The following SLC15A5 variants were observed in gnomAD, a reference collection of about 807,000 sequenced individuals.
SLC15A5 encodes solute carrier family 15 member 5.
In SLC15A5, 58 loss-of-function variants were observed where a neutral mutation model predicts 56.1. The ratio of observed to expected loss-of-function variants is 1.03; its 90% CI spans 0.84 to 1.29. The LOEUF (loss-of-function observed/expected upper bound fraction) is 1.29. Among genes scored for constraint, SLC15A5 ranks in the 50% most tolerant of loss-of-function variants. The pLI is 0.00. For synonymous variants in SLC15A5, 264 were observed against 250.5 expected (o/e 1.05, Z -0.51); for missense variants, 681 against 672.1 (o/e 1.01, Z -0.15).
At chr12:16,206,728 C>G (rs920205879) in intron 7 of SLC15A5, among the ~76,000 whole-genome samples, 1 of 152,170 alleles carries the variant, frequency 6.6e-6, no homozygotes, top group Non-Finnish European at 1.5e-5. Flanking sequence ...GGCTGCATCA[C>G]GACTTTAATG....
chr12:16,257,669 C>G (rs1204531135), intron 3 of SLC15A5, 32 bp downstream of exon 3: 1 of 1,373,824 alleles, frequency 7.3e-7, no homozygotes, highest in African/African-American at 1.5e-5. Context: ...CAATATAAAC[C>G]CAGAAATCAA....
rs1591650912 is a variant in SLC15A5 at position 16,235,955 on chromosome 12, C to A, written c.1162+3726G>T. Among the ~76,000 whole-genome samples the A allele has an allele frequency of 1.3e-5, 2 of 152,036 alleles. No homozygotes were observed. The highest frequency in any genetic ancestry group is 1.9e-4 in the East Asian group (1 of 5,178). On this transcript the variant is annotated intron_variant, in intron 5 of 8. Coordinates refer to ENST00000344941, the MANE Select transcript of SLC15A5 (RefSeq NM_001170798.1). The surrounding 1 kb of genome is among the most constrained non-coding windows in gnomAD (Gnocchi z 4.1). ...TATCATAAAAGACTTTTAGCTGGAA[C>A]TTGAATTTTCATGTTTTTATTTTAA...
rs1480512205 is a variant in SLC15A5 at position 16,196,239 on chromosome 12, G to A, written c.1484-1786C>T. On this transcript the variant is annotated intron_variant, in intron 7 of 8. Coordinates refer to ENST00000344941, the MANE Select transcript of SLC15A5 (RefSeq NM_001170798.1). This position sits in a 1 kb window ranked among gnomAD's most constrained non-coding sequence, Gnocchi z 4.0. ...CATTTTATTTGGGTTCTATTATAAT[G>A]AAAATTTATGGTTTTATTGCTACAG... Among the ~76,000 whole-genome samples the A allele has an allele frequency of 6.6e-6, 1 of 152,048 alleles. No homozygotes were observed. Among genetic ancestry groups the A allele is most frequent in the African/African-American group, 2.4e-5 (1 of 41,424 alleles).
intron 7 of SLC15A5, among the ~76,000 whole-genome samples, chr12:16,213,363 C>T (rs1864101655): frequency 6.6e-6 from 1 of 152,120 alleles, no homozygotes; most frequent in Non-Finnish European, 1.5e-5. Flanking sequence ...AGCTAGACTA[C>T]CTAGATTCAA....
rs566192261 is a variant in SLC15A5, at chr12:16,237,848, G to T, written c.1162+1833C>A. Among the ~76,000 whole-genome samples the T allele has an allele frequency of 6.6e-6, 1 of 152,080 alleles. No homozygotes were observed. Among genetic ancestry groups the T allele is most frequent in the Non-Finnish European group, 1.5e-5 (1 of 68,008 alleles). ...TATGATTTTACTCCTATTTTGTCCT[G>T]CATGCATTATGTTTCAATCATGGAC... On this transcript the variant is annotated intron_variant, in intron 5 of 8. Transcript: ENST00000344941. This position sits in a 1 kb window ranked among gnomAD's most constrained non-coding sequence, Gnocchi z 4.1.
At chr12:16,213,679 T>G (rs1271389831) in intron 7 of SLC15A5, among the ~76,000 whole-genome samples, 1 of 152,208 alleles carries the variant, frequency 6.6e-6, no homozygotes, top group Non-Finnish European at 1.5e-5. Context: ...CACAATATTA[T>G]TATAAACCAG....
Position 16,244,748 on chromosome 12 carries a change from G to T in SLC15A5, c.807C>A (p.Cys269Ter). The T allele has an allele frequency of 6.5e-7, 1 of 1,537,716 alleles. No homozygotes were observed. Among genetic ancestry groups the T allele is most frequent in the Non-Finnish European group, 8.7e-7 (1 of 1,147,012 alleles). Residue 269 changes from cysteine (C) to a stop codon, truncating the protein, a stop_gained, in exon 4 of 9, where the codon TGC (cysteine) becomes TGA (stop). Coordinates refer to ENST00000344941, the MANE Select transcript of SLC15A5 (RefSeq NM_001170798.1). LOFTEE classifies it high-confidence loss of function. ...VGVLVSALKT[C>*]HPQYCHLGRD... The stretch of plus-strand genomic sequence containing the variant: ...TGCCAAGATGGCAGTATTGCGGGTG[G>T]CATGTTTTCAGTGCACTAACCAACA...
intron 6 of SLC15A5, among the ~76,000 whole-genome samples, chr12:16,222,420 T>G (rs1864197040): frequency 6.6e-6 from 1 of 152,146 alleles, no homozygotes; most frequent in African/African-American, 2.4e-5. Context: ...TTTCAAGGAG[T>G]AGTCTCTCAT....
In SLC15A5 at chr12:16,189,665, G is replaced by A; in HGVS notation, c.*3C>T. 1 of 1,491,908 alleles carries A rather than the reference G, an allele frequency of 6.7e-7. No individual in the cohort carries two copies. Among genetic ancestry groups the A allele is most frequent in the East Asian group, 2.5e-5 (1 of 40,464 alleles). The allele number at this position is 1,491,908 out of a possible 1,614,324, so 92.4% of individuals were successfully genotyped here. ...CATAAGACAGGTAGACTCAAACACAGTTTCATAGGGCTGTCTCCCAAAGAT... is the reference window on the plus strand; with the variant it reads ...CATAAGACAGGTAGACTCAAACACAATTTCATAGGGCTGTCTCCCAAAGAT... On this transcript the variant is annotated 3_prime_UTR_variant, in exon 9 of 9. Transcript: ENST00000344941.
chr12:16,242,042 C>G (rs1243566129), intron 4 of SLC15A5, among the ~76,000 whole-genome samples: 6 of 152,152 alleles, frequency 3.9e-5, no homozygotes. Flanking sequence ...AATAGAGATT[C>G]ATTCTCACCT....
chr12:16,214,041 C>T (rs1372273720), intron 7 of SLC15A5, among the ~76,000 whole-genome samples: 2 of 152,118 alleles, frequency 1.3e-5, no homozygotes, highest in African/African-American at 2.4e-5. Context: ...TTTCAGAATG[C>T]TGAGAGGATT....
chr12:16,207,068 A>G (rs986461568), intron 7 of SLC15A5, among the ~76,000 whole-genome samples: 2 of 152,186 alleles, frequency 1.3e-5, no homozygotes, highest in African/African-American at 4.8e-5. Context: ...CTGTAATTGT[A>G]ATAGCATTAG....
intron 4 of SLC15A5, 145 bp from the exon 5 acceptor site, chr12:16,240,012 G>T: frequency 2.8e-6 from 2 of 703,188 alleles, no homozygotes; most frequent in South Asian, 1.9e-5. Context: ...CCAGTTATGA[G>T]CTGATAAAGG....
intron 3 of SLC15A5, among the ~76,000 whole-genome samples, chr12:16,256,320 T>C (rs1384677612): frequency 6.6e-6 from 1 of 152,148 alleles, no homozygotes; most frequent in Non-Finnish European, 1.5e-5. Context: ...CTCAATAAAA[T>C]ATTGGATTTG....
intron 7 of SLC15A5, among the ~76,000 whole-genome samples, chr12:16,207,343 C>A (rs1233427470): frequency 6.6e-6 from 1 of 152,210 alleles, no homozygotes; most frequent in Admixed American, 6.5e-5. Flanking sequence ...ACAGTCTGTT[C>A]TTCATTTGCA....
chr12:16,272,236 C>T (rs1671482), intron 2 of SLC15A5, among the ~76,000 whole-genome samples: 40,371 of 151,966 alleles, frequency 0.27, 6,504 homozygotes, highest in African/African-American at 0.45. Context: ...GTCAGTCAGC[C>T]TGTGTTAAGC....
rs755371911 is a variant in SLC15A5, at chr12:16,272,736, G to T, written c.409C>A (p.Leu137Met). The stretch of plus-strand genomic sequence containing the variant: ...TTGTTAACTGCATGGTAAGTGCCCA[G>T]ATAGAAATCTTCCAAGGGAAAAGCC... ...VVAFPLEDFY[L>M]GTYHAVNNIP... The change falls in exon 2 of 9, where the codon CTG becomes ATG. Residue 137 changes from leucine to methionine, a missense_variant. Coordinates refer to ENST00000344941, the MANE Select transcript of SLC15A5 (RefSeq NM_001170798.1). 1 of 1,537,090 alleles carries T rather than the reference G, an allele frequency of 6.5e-7. No homozygotes were observed. The highest frequency in any genetic ancestry group is 8.7e-7 in the Non-Finnish European group (1 of 1,146,742).
rs1019946326 is a variant in SLC15A5, at chr12:16,255,234, G to GT, written c.754+2466dup. ...AAAGATGGTAAATTTTATATTATGT[G>GT]TTTTTTTACCACAATAAATACCACA... On this transcript the variant is annotated intron_variant, in intron 3 of 8. Coordinates refer to ENST00000344941, the MANE Select transcript of SLC15A5 (RefSeq NM_001170798.1). Among the ~76,000 whole-genome samples the GT allele has an allele frequency of 3.4e-4, 52 of 152,006 alleles. 1 individual carries two copies. The highest frequency in any genetic ancestry group is 8.4e-4 in the African/African-American group (35 of 41,472).
intron 7 of SLC15A5, among the ~76,000 whole-genome samples, chr12:16,211,991 A>G (rs1253664086): frequency 2.6e-5 from 4 of 152,208 alleles, no homozygotes; most frequent in South Asian, 2.1e-4. Context: ...CCAATCGGGT[A>G]TACTAACACT....
Sources: allele counts gnomAD v4.1 joint callset (sites outside exome capture counted in the v4.1 genomes callset), GRCh38; gene constraint gnomAD v4.1.1; non-coding constraint Gnocchi (gnomAD v3.1); transcripts MANE v1.5; gene names NCBI Gene and HGNC (gene_info 2026-07-23, HGNC 2026-07-21).